The following MCCC2 variants were observed in gnomAD, a reference collection of about 807,000 sequenced individuals.
MCCC2 encodes the protein methylcrotonyl-CoA carboxylase subunit 2.
In MCCC2, 52 loss-of-function variants were observed where a neutral mutation model predicts 77.2. The ratio of observed to expected loss-of-function variants is 0.67; its 90% CI spans 0.54 to 0.85. The LOEUF is 0.85. Ranked by LOEUF, MCCC2 falls within the 40% of genes least tolerant of loss-of-function variation. The probability of loss-of-function intolerance (pLI) is 0.00; values close to 1 mark genes in which losing one functional copy is unlikely to be tolerated. For synonymous variants in MCCC2, 253 were observed against 248.4 expected, an observed-to-expected ratio of 1.02 and a Z score of -0.18; for missense variants, 682 against 703.2, an observed-to-expected ratio of 0.97 and a Z score of 0.34.
At chr5:71,600,745 T>C (rs1745395582) in intron 4 of MCCC2, among the ~76,000 whole-genome samples, 1 of 152,242 alleles carries the variant, frequency 6.6e-6, no homozygotes, top group Admixed American at 6.5e-5. Flanking sequence ...AGTCTGGGCA[T>C]GGCTGTATCT....
chr5:71,621,343 T>A (rs144149409), intron 6 of MCCC2, among the ~76,000 whole-genome samples: 4,410 of 151,908 alleles, frequency 0.029, 90 homozygotes, highest in South Asian at 0.078. Flanking sequence ...CTAAAAAAAA[T>A]AAAAATAAAA....
At chr5:71,606,835 A>G (rs1380108005) in intron 6 of MCCC2, among the ~76,000 whole-genome samples, 2 of 143,284 alleles carry the variant, frequency 1.4e-5, no homozygotes, top group Non-Finnish European at 3.0e-5. Flanking sequence ...TGAGATAATC[A>G]TGTGGTTTTT....
At chr5:71,605,742 A>G (rs1173908801) in intron 6 of MCCC2, among the ~76,000 whole-genome samples, 2 of 151,674 alleles carry the variant, frequency 1.3e-5, no homozygotes, top group Admixed American at 1.3e-4. Context: ...ATCCATCTTG[A>G]ATTGATTTTT....
Position 71,604,480 on chromosome 5 carries a change from T to C in MCCC2, c.624+12T>C. 1 of 1,589,310 alleles carries C rather than the reference T, an allele frequency of 6.3e-7. No homozygotes were observed. Among genetic ancestry groups the C allele is most frequent in the African/African-American group, 1.3e-5 (1 of 74,514 alleles). ...AAAATATTGCACAGGTAATTTTTCATGAATAAAGTGTACAGTGGTGCTTTT... is the reference window on the plus strand; with the variant it reads ...AAAATATTGCACAGGTAATTTTTCACGAATAAAGTGTACAGTGGTGCTTTT... On this transcript the variant is annotated intron_variant, in intron 6 of 16. Coordinates refer to ENST00000340941, the MANE Select transcript of MCCC2 (RefSeq NM_022132.5).
At chr5:71,623,031 A>G (rs1042553356) in intron 6 of MCCC2, among the ~76,000 whole-genome samples, 4 of 152,166 alleles carry the variant, frequency 2.6e-5, no homozygotes, top group African/African-American at 9.6e-5. Context: ...AAGAAAAAAA[A>G]AGTTCTACAT....
intron 15 of MCCC2, among the ~76,000 whole-genome samples, chr5:71,651,950 A>G (rs1246080108): frequency 6.6e-6 from 1 of 152,210 alleles, no homozygotes; most frequent in Non-Finnish European, 1.5e-5. Flanking sequence ...CAGTGTGTTA[A>G]TGGTTCTCCC....
At chr5:71,608,263 TA>T (rs1745771922) in intron 6 of MCCC2, among the ~76,000 whole-genome samples, 1 of 120,066 alleles carries the variant, frequency 8.3e-6, no homozygotes, top group African/African-American at 3.2e-5. Flanking sequence ...GGTGCTCCTG[TA>T]TTGGGTGCAT....
chr5:71,589,373 A>G (rs1040464257), intron 1 of MCCC2, among the ~76,000 whole-genome samples: 3 of 152,142 alleles, frequency 2.0e-5, no homozygotes, highest in African/African-American at 7.2e-5. Flanking sequence ...TTAATCTCTC[A>G]CTCGTGTTGG....
intron 6 of MCCC2, among the ~76,000 whole-genome samples, chr5:71,612,011 A>C (rs1230179907): frequency 3.3e-5 from 5 of 151,910 alleles, no homozygotes; most frequent in South Asian, 2.1e-4. Context: ...GATGGTCTCG[A>C]TCTCCTGACC....
At chr5:71,593,151 C>T (rs1322388084) in intron 2 of MCCC2, among the ~76,000 whole-genome samples, 159 bp downstream of exon 2, 1 of 151,352 alleles carries the variant, frequency 6.6e-6, no homozygotes, top group Non-Finnish European at 1.5e-5. Context: ...GCAGTGGCGC[C>T]ATCTCAGCTC....
At chr5:71,650,767 G>A (rs901866323) in intron 15 of MCCC2, among the ~76,000 whole-genome samples, 3 of 152,162 alleles carry the variant, frequency 2.0e-5, no homozygotes, top group African/African-American at 7.2e-5. Context: ...TTCTGCCTCA[G>A]CCTCCCGAGT....
intron 2 of MCCC2, among the ~76,000 whole-genome samples, chr5:71,593,875 C>T (rs761678966): frequency 3.9e-5 from 6 of 152,086 alleles, no homozygotes; most frequent in Non-Finnish European, 8.8e-5. Context: ...TACTGGATCT[C>T]AGGAGTATAA....
chr5:71,647,509 C>T (rs181763135), intron 13 of MCCC2, among the ~76,000 whole-genome samples: 1 of 152,280 alleles, frequency 6.6e-6, no homozygotes, highest in East Asian at 1.9e-4. Flanking sequence ...GCAGTTAAAA[C>T]TCTGTGGTTT....
intron 16 of MCCC2, among the ~76,000 whole-genome samples, chr5:71,655,439 C>T (rs369230159): frequency 4.5e-4 from 69 of 152,230 alleles, no homozygotes; most frequent in Admixed American, 2.0e-3. Flanking sequence ...AACTTTTATC[C>T]GGCATTTCAT....
chr5:71,622,316 C>A (rs1746379109), intron 6 of MCCC2, among the ~76,000 whole-genome samples: 1 of 151,372 alleles, frequency 6.6e-6, no homozygotes, highest in Admixed American at 6.6e-5. Context: ...AATATATAGA[C>A]CTACTATGTA....
intron 6 of MCCC2, among the ~76,000 whole-genome samples, chr5:71,623,092 G>A (rs1204526621): frequency 6.6e-6 from 1 of 152,204 alleles, no homozygotes; most frequent in Non-Finnish European, 1.5e-5. Context: ...GTTCTTTGAA[G>A]AACAACAATA....
chr5:71,654,098 A>G (rs1747517884), intron 16 of MCCC2, among the ~76,000 whole-genome samples: 1 of 152,124 alleles, frequency 6.6e-6, no homozygotes, highest in African/African-American at 2.4e-5. Context: ...CCCGGACTCA[A>G]GCAATCCTCT....
chr5:71,602,635 C>G lies in MCCC2; in HGVS notation c.511+2C>G. The G allele has an allele frequency of 1.2e-6, 2 of 1,614,124 alleles. No homozygotes were observed. Among genetic ancestry groups the G allele is most frequent in the Non-Finnish European group, 1.7e-6 (2 of 1,180,010 alleles). The stretch of plus-strand genomic sequence containing the variant: ...ACAGGCTCCCCTGCATCTACTTAGG[C>G]AAGTCACCAGAGTGGTAAAATAAAC... On this transcript the variant is annotated splice_donor_variant, in intron 5 of 16. Transcript: ENST00000340941. LOFTEE classifies it high-confidence loss of function.
chr5:71,630,180 A>G (rs1181224134), intron 7 of MCCC2, among the ~76,000 whole-genome samples: 3 of 152,206 alleles, frequency 2.0e-5, no homozygotes, highest in Non-Finnish European at 4.4e-5. Context: ...CCTTTAGAGA[A>G]TTCTAAATTC....
Sources: gnomAD v4.1 joint callset for allele counts (sites outside exome capture counted in the v4.1 genomes callset) on GRCh38, gnomAD v4.1.1 for gene constraint, MANE v1.5 for transcripts, NCBI Gene and HGNC (gene_info 2026-07-23, HGNC 2026-07-21) for gene names.